MFN1: variants seen among roughly 807,000 people sequenced by gnomAD.
MFN1 encodes mitofusin 1, also known as mitofusin-1.
Under a neutral mutation model 92.4 loss-of-function variants are expected in MFN1, and 65 were observed. The observed-to-expected ratio is 0.70, with a 90% CI of 0.58 to 0.86. The LOEUF (loss-of-function observed/expected upper bound fraction) is 0.86, where lower values mean the gene tolerates loss of function less well. Ranked by LOEUF, MFN1 falls within the 40% of genes least tolerant of loss-of-function variation. The pLI is 0.00. For missense variants in MFN1, 781 were observed against 868.0 expected (o/e 0.90, Z 1.26); for synonymous variants, 297 against 300.9 (o/e 0.99, Z 0.13).
At position 179,378,380 on chromosome 3, in the gene MFN1, T is replaced by C. The variant is rs775947466; in HGVS notation, c.1369T>C (p.Leu457=). 8.1e-6 allele frequency: 13 copies of C among 1,605,514 alleles called. No individual in the cohort carries two copies. Among genetic ancestry groups the C allele is most frequent in the Non-Finnish European group, 1.1e-5 (13 of 1,177,926 alleles). Reference sequence around the variant, plus strand: ...CATAGAGGATGGTATGGGAAGAAATTTGGCTGATCGATGCACCGATGAAGT... The same window carrying C: ...CATAGAGGATGGTATGGGAAGAAATCTGGCTGATCGATGCACCGATGAAGT... ...KHIEDGMGRN[L]ADRCTDEVNA... The change falls in exon 13 of 18, where the codon TTG becomes CTG. Residue 457 remains leucine (L), a synonymous_variant. Transcript: ENST00000471841.
At position 179,374,401 on chromosome 3, in the gene MFN1, A is replaced by AAT. The variant is rs58260395; in HGVS notation, c.976-807_976-806dup. Reference sequence around the variant, plus strand: ...TATAACATATATAACATATATATGTAATATATATATATAAGATAACAAGTA... The same window carrying AAT: ...TATAACATATATAACATATATATGTAATATATATATATATAAGATAACAAGTA... On this transcript the variant is annotated intron_variant, in intron 9 of 17. Transcript: ENST00000471841. Among the ~76,000 whole-genome samples the AAT allele has an allele frequency of 4.4e-4, 41 of 92,564 alleles. 1 individual carries two copies. Among genetic ancestry groups the AAT allele is most frequent in the Middle Eastern group, 6.2e-3 (1 of 162 alleles). The allele number at this position is 92,564 out of a possible 152,430, so 60.7% of individuals were successfully genotyped here.
chr3:179,379,539 A>G (rs554986278), intron 14 of MFN1, among the ~76,000 whole-genome samples: 13 of 152,194 alleles, frequency 8.5e-5, no homozygotes, highest in South Asian at 2.1e-4. Context: ...TTTTTAGTAG[A>G]CATGGGGTTT....
chr3:179,368,101 G>A lies in MFN1; in HGVS notation c.973G>A (p.Glu325Lys). The change falls in exon 9 of 18, where the codon GAG becomes AAG. Residue 325 changes from glutamate to lysine, a missense_variant and splice_region_variant. Coordinates refer to ENST00000471841, the MANE Select transcript of MFN1 (RefSeq NM_033540.3). The part of the protein sequence containing the change: ...QEFQNFEQIF[E>K]ECISQSAVKT... ...ATTTCAGAATTTTGAACAAATCTTT[G>A]AGGTAGGAATTTTGTGATTGTATTG... 6.4e-7 allele frequency: 1 copy of A among 1,560,728 alleles called. No homozygotes were observed. The highest frequency in any genetic ancestry group is 2.4e-5 in the East Asian group (1 of 41,226).
intron 16 of MFN1, 85 bp downstream of exon 16, chr3:179,386,714 G>T (rs1713700256): frequency 1.6e-6 from 2 of 1,217,676 alleles, no homozygotes; most frequent in Non-Finnish European, 2.3e-6. Flanking sequence ...TAAGTGTATT[G>T]CTCAAAGAAT....
At chr3:179,387,936 G>A (rs1713755200) in intron 16 of MFN1, among the ~76,000 whole-genome samples, 1 of 151,954 alleles carries the variant, frequency 6.6e-6, no homozygotes. Flanking sequence ...TTTTCACCAT[G>A]TTGGCCAGGA....
intron 17 of MFN1, among the ~76,000 whole-genome samples, chr3:179,390,569 A>G (rs868832417): frequency 3.3e-5 from 5 of 152,186 alleles, no homozygotes; most frequent in Non-Finnish European, 7.4e-5. Context: ...TCCTGATAAA[A>G]TGTGGATTTC....
intron 9 of MFN1, among the ~76,000 whole-genome samples, chr3:179,371,407 A>C (rs1396718144): frequency 6.6e-6 from 1 of 152,024 alleles, no homozygotes; most frequent in African/African-American, 2.4e-5. Context: ...CAGCTACCCC[A>C]GAGGCTGAGG....
At chr3:179,356,923 T>TC (rs1560190407) in intron 3 of MFN1, among the ~76,000 whole-genome samples, 2 of 151,968 alleles carry the variant, frequency 1.3e-5, no homozygotes, top group African/African-American at 4.8e-5. Flanking sequence ...AATGAGGAGA[T>TC]GGGGGGGAAC....
chr3:179,349,133 G>C (rs1291475517), intron 2 of MFN1, among the ~76,000 whole-genome samples, 170 bp downstream of exon 2: 1 of 152,082 alleles, frequency 6.6e-6, no homozygotes, highest in East Asian at 1.9e-4. Flanking sequence ...AAATTAAATG[G>C]TATTAATAAC....
At chr3:179,390,957 C>T (rs527836628) in intron 17 of MFN1, among the ~76,000 whole-genome samples, 1 of 152,244 alleles carries the variant, frequency 6.6e-6, no homozygotes, top group Admixed American at 6.5e-5. Context: ...ACCAACAACA[C>T]GTGTTCATTG....
chr3:179,351,571 A>G, intron 2 of MFN1, among the ~76,000 whole-genome samples: 1 of 152,224 alleles, frequency 6.6e-6, no homozygotes, highest in East Asian at 1.9e-4. Flanking sequence ...CTGAAGATCC[A>G]TTCAGTCAGG....
chr3:179,359,126 TC>T, intron 4 of MFN1, 124 bp downstream of exon 4: 5 of 1,186,662 alleles, frequency 4.2e-6, no homozygotes, highest in Non-Finnish European at 4.4e-6. Context: ...TTAATATTTT[TC>T]TTTTTTTTTT....
chr3:179,349,139 A>T (rs1411691410), intron 2 of MFN1, among the ~76,000 whole-genome samples, 176 bp downstream of exon 2: 1 of 152,268 alleles, frequency 6.6e-6, no homozygotes, highest in Non-Finnish European at 1.5e-5. Context: ...AATGGTATTA[A>T]TAACAACTAA....
intron 9 of MFN1, among the ~76,000 whole-genome samples, chr3:179,374,390 C>G (rs1713152383): frequency 1.7e-5 from 1 of 57,622 alleles, no homozygotes; most frequent in African/African-American, 1.4e-4. Flanking sequence ...ACATATATAA[C>G]ATATATATGT....
At chr3:179,375,151 T>C in intron 9 of MFN1, 69 bp from the exon 10 acceptor site, 1 of 1,452,174 alleles carries the variant, frequency 6.9e-7, no homozygotes, top group African/African-American at 1.4e-5. Context: ...CAGCAAGTTT[T>C]TGTGTTTAAA....
Position 179,352,004 on chromosome 3 carries a change from C to T in MFN1, c.217C>T (p.Arg73Trp), listed in dbSNP as rs769886395. 12 of 1,601,108 alleles carry T rather than the reference C, an allele frequency of 7.5e-6. No individual in the cohort carries two copies. The highest frequency in any genetic ancestry group is 2.2e-5 in the South Asian group (2 of 89,282). ...TTCCATCATTGGTGAGGTGCTATCT[C>T]GGAGACACATGAAGGTGGCATTTTT... ...KLSIIGEVLS[R>W]RHMKVAFFGR... Residue 73 changes from arginine (R) to tryptophan (W), a missense_variant, in exon 3 of 18, where the codon CGG becomes TGG. By Grantham distance (101) the Arg-to-Trp change is moderately radical (BLOSUM62 -3). Transcript: ENST00000471841.
chr3:179,388,152 G>A (rs887210789), intron 16 of MFN1, among the ~76,000 whole-genome samples: 1 of 151,752 alleles, frequency 6.6e-6, no homozygotes, highest in African/African-American at 2.4e-5. Flanking sequence ...GCCTCCCAAA[G>A]TGTTGGGATC....
At chr3:179,366,430 TA>T (rs1447468693) in intron 7 of MFN1, among the ~76,000 whole-genome samples, 1 of 152,098 alleles carries the variant, frequency 6.6e-6, no homozygotes, top group Admixed American at 6.6e-5. Flanking sequence ...TGTAGAAACT[TA>T]AAAAGAAGTA....
chr3:179,383,078 T>A (rs1183329270), intron 14 of MFN1, among the ~76,000 whole-genome samples: 2 of 152,226 alleles, frequency 1.3e-5, no homozygotes, highest in Non-Finnish European at 2.9e-5. Flanking sequence ...TTTAATGAGA[T>A]CCCATTTGTC....
Sources: allele counts gnomAD v4.1 joint callset (sites outside exome capture counted in the v4.1 genomes callset), GRCh38; gene constraint gnomAD v4.1.1; transcripts MANE v1.5; gene names NCBI Gene and HGNC (gene_info 2026-07-23, HGNC 2026-07-21).